CACNA1A: variants seen among roughly 807,000 people sequenced by gnomAD.
The protein encoded by CACNA1A is calcium voltage-gated channel subunit alpha1 A.
In CACNA1A, 57 loss-of-function variants were observed where a neutral mutation model predicts 262.4. That is an observed-to-expected ratio of 0.22 (90% CI 0.18 to 0.27). The LOEUF (loss-of-function observed/expected upper bound fraction) is 0.27, where lower values mean the gene tolerates loss of function less well. CACNA1A is among the 10% of genes least tolerant of loss of function. The probability of loss-of-function intolerance (pLI) is 1.00; values close to 1 mark genes in which losing one functional copy is unlikely to be tolerated. For synonymous variants in CACNA1A, 1,431 were observed against 1,419.3 expected (o/e 1.01, Z -0.18); for missense variants, 2,526 against 3,562.8 (o/e 0.71, Z 7.41).
intron 3 of CACNA1A, among the ~76,000 whole-genome samples, chr19:13,383,395 A>C (rs1489436644): frequency 6.6e-6 from 1 of 152,182 alleles, no homozygotes; most frequent in East Asian, 1.9e-4. Flanking sequence ...AAGGTTTCAA[A>C]GATCAAGAAC....
In CACNA1A at chr19:13,317,167, C is replaced by T. The variant is rs373192672; in HGVS notation, c.1500G>A (p.Thr500=). The T allele has an allele frequency of 9.7e-5, 156 of 1,613,128 alleles. No homozygotes were observed. Among genetic ancestry groups the T allele is most frequent in the East Asian group, 2.0e-4 (9 of 44,858 alleles). The stretch of plus-strand genomic sequence containing the variant: ...TGTAGTGAACAATAGCAACACACAG[C>T]GTGTTGAGAGCTACCAAACTGAGTA... The part of the protein sequence containing the change: ...WTVLSLVALN[T]LCVAIVHYNQ... Residue 500 remains threonine, a synonymous_variant, in exon 11 of 47, where the codon ACG becomes ACA. Transcript: ENST00000360228.
intron 3 of CACNA1A, among the ~76,000 whole-genome samples, chr19:13,378,083 T>C (rs1264780465): frequency 3.9e-5 from 6 of 152,212 alleles, no homozygotes; most frequent in East Asian, 1.9e-4. Flanking sequence ...CCGATCCTCA[T>C]GGATGACTTT....
Position 13,317,200 on chromosome 19 carries a change from G to A in CACNA1A, c.1467C>T (p.Tyr489=), listed in dbSNP as rs1277763279. The A allele has an allele frequency of 1.2e-6, 2 of 1,613,646 alleles. No homozygotes were observed. The highest frequency in any genetic ancestry group is 1.7e-6 in the Non-Finnish European group (2 of 1,179,746). The stretch of plus-strand genomic sequence containing the variant: ...GAGCTACCAAACTGAGTACAGTCCA[G>A]TAGAAGGCCTGAGTTTTGACCATGC... The part of the protein sequence containing the change: ...IRRMVKTQAF[Y]WTVLSLVALN... Residue 489 remains tyrosine (Y), a synonymous_variant, in exon 11 of 47, where the codon TAC becomes TAT. Coordinates refer to ENST00000360228, the MANE Select transcript of CACNA1A (RefSeq NM_001127222.2).
intron 3 of CACNA1A, among the ~76,000 whole-genome samples, chr19:13,413,895 A>AGAAAGAAAGAGAG (rs1555783333): frequency 8.4e-6 from 1 of 119,136 alleles, no homozygotes; most frequent in African/African-American, 4.1e-5. Context: ...GAAAGAAAGA[A>AGAAAGAAAGAGAG]AAAGAAAGAA....
intron 1 of CACNA1A, among the ~76,000 whole-genome samples, chr19:13,466,333 T>C (rs1368907240): frequency 6.6e-6 from 1 of 151,606 alleles, no homozygotes; most frequent in East Asian, 1.9e-4. Context: ...CCTTTTCTTT[T>C]TTTTTAAGAC....
chr19:13,372,705 G>A (rs1226115087), intron 3 of CACNA1A, among the ~76,000 whole-genome samples: 3 of 152,202 alleles, frequency 2.0e-5, no homozygotes, highest in Non-Finnish European at 2.9e-5. Flanking sequence ...CACAATGCCA[G>A]GCACACAGGT....
Position 13,418,361 on chromosome 19 carries a change from C to T in CACNA1A, c.539+34515G>A, listed in dbSNP as rs77893810. 3.0e-4 allele frequency among the ~76,000 whole-genome samples: 45 copies of T among 152,212 alleles called. No homozygotes were observed. The East Asian group carries it at 6.0e-3, about 20-fold the overall frequency. On this transcript the variant is annotated intron_variant, in intron 3 of 46. Transcript: ENST00000360228. ...GGGAGGCAGTCCCAGATGTCAGAAC[C>T]TGAATTCAAAGCGCATTCTGGCTGT...
chr19:13,364,759 C>G (rs2059177316), intron 5 of CACNA1A: 1 of 152,340 alleles, frequency 6.6e-6, no homozygotes, highest in Non-Finnish European at 1.5e-5. Flanking sequence ...CCTGCCTCAG[C>G]CTCCTGAGTA....
intron 24 of CACNA1A, chr19:13,274,569 A>T (rs2057101525): frequency 6.6e-6 from 1 of 152,262 alleles, no homozygotes; most frequent in African/African-American, 2.4e-5. Context: ...TTTCTTGATT[A>T]AAGACTGATT....
intron 24 of CACNA1A, among the ~76,000 whole-genome samples, chr19:13,268,670 G>A (rs1276834077): frequency 6.6e-6 from 1 of 151,956 alleles, no homozygotes; most frequent in East Asian, 1.9e-4. Flanking sequence ...TCTTGACCTC[G>A]TGATCCGCCC....
intron 3 of CACNA1A, among the ~76,000 whole-genome samples, chr19:13,410,941 A>T (rs1005538842): frequency 6.6e-6 from 1 of 152,082 alleles, no homozygotes; most frequent in African/African-American, 2.4e-5. Context: ...GATGGAGAGT[A>T]AGCCCTGGGC....
chr19:13,278,365 G>T (rs138126629), intron 22 of CACNA1A, among the ~76,000 whole-genome samples: 21 of 152,142 alleles, frequency 1.4e-4, no homozygotes, highest in African/African-American at 5.1e-4. Flanking sequence ...TCCACCTCAG[G>T]GCCTTTGCAC....
intron 38 of CACNA1A, among the ~76,000 whole-genome samples, chr19:13,218,885 CTG>C (rs1339936915): frequency 6.6e-6 from 1 of 152,116 alleles, no homozygotes; most frequent in Non-Finnish European, 1.5e-5. Flanking sequence ...TTACAGGGGT[CTG>C]GCACCATGCC....
Position 13,497,521 on chromosome 19 carries a change from AATATATATATATATATATATATAT to A in CACNA1A, c.293+8387_293+8410del, listed in dbSNP as rs1568709638. ...AAAAAAAAAAAAAAAAAAAAAAAAA[AATATATATATATATATATATATAT>A]ATATATATATATATATATATATATA... On this transcript the variant is annotated intron_variant, in intron 1 of 46. Transcript: ENST00000360228. 1.8e-3 allele frequency among the ~76,000 whole-genome samples: 22 copies of A among 12,566 alleles called. 2 individuals are homozygous for A. Among genetic ancestry groups the A allele is most frequent in the African/African-American group, 2.7e-3 (9 of 3,342 alleles). The allele number at this position is 12,566 out of a possible 152,430, so 8.2% of individuals were successfully genotyped here.
At chr19:13,414,615 T>TC (rs2060189105) in intron 3 of CACNA1A, among the ~76,000 whole-genome samples, 1 of 152,066 alleles carries the variant, frequency 6.6e-6, no homozygotes, top group African/African-American at 2.4e-5. Flanking sequence ...AAAAGCATCA[T>TC]CAGGCTGAGA....
Position 13,506,285 on chromosome 19 carries a change from C to T in CACNA1A, c.-61G>A. 1 of 1,343,358 alleles carries T rather than the reference C, an allele frequency of 7.4e-7. No individual in the cohort carries two copies. The highest frequency in any genetic ancestry group is 2.9e-5 in the East Asian group (1 of 34,230). 83.2% of individuals were successfully genotyped at this position (1,343,358 alleles called of 1,614,324 possible). On this transcript the variant is annotated 5_prime_UTR_variant, in exon 1 of 47. Coordinates refer to ENST00000360228, the MANE Select transcript of CACNA1A (RefSeq NM_001127222.2). ...GCGAACGATGCGGAAGACGCCGCCG[C>T]CGCCGCCGCCGCCGCTGATGCTGAG...
intron 38 of CACNA1A, among the ~76,000 whole-genome samples, chr19:13,217,336 A>G (rs995005665): frequency 1.3e-5 from 2 of 152,140 alleles, no homozygotes; most frequent in Non-Finnish European, 2.9e-5. Flanking sequence ...AATCTGAAGA[A>G]TGAGGTTAAT....
At chr19:13,458,484 T>C (rs997927206) in intron 1 of CACNA1A, among the ~76,000 whole-genome samples, 5 of 152,164 alleles carry the variant, frequency 3.3e-5, no homozygotes, top group African/African-American at 1.2e-4. Flanking sequence ...AATTGTGTTA[T>C]ATTAATTTTA....
Position 13,352,103 on chromosome 19 carries a change from CCTT to C in CACNA1A, c.978+7500_978+7502del, listed in dbSNP as rs1291200108. On this transcript the variant is annotated intron_variant, in intron 6 of 46. Coordinates refer to ENST00000360228, the MANE Select transcript of CACNA1A (RefSeq NM_001127222.2). ...CTCCTGGTCTAGGAATGACCCGAGA[CCTT>C]CTTCTTTCTCCCCGCTAACCATTTA... Among the ~76,000 whole-genome samples, 2 of 152,150 alleles carry C rather than the reference CCTT, an allele frequency of 1.3e-5. 1 individual carries two copies. The highest frequency in any genetic ancestry group is 4.2e-4 in the South Asian group (2 of 4,816).
Sources: gnomAD v4.1 joint callset for allele counts (sites outside exome capture counted in the v4.1 genomes callset) on GRCh38, gnomAD v4.1.1 for gene constraint, MANE v1.5 for transcripts, NCBI Gene and HGNC (gene_info 2026-07-23, HGNC 2026-07-21) for gene names.